Variants in PHACTR1 observed in about 807,000 individuals in gnomAD.
PHACTR1 encodes phosphatase and actin regulator 1.
Under a neutral mutation model 69.2 loss-of-function variants are expected in PHACTR1, and 16 were observed. The observed-to-expected ratio is 0.23, with a 90% CI of 0.16 to 0.35. The LOEUF is 0.35. Among genes scored for constraint, PHACTR1 ranks in the 10% least tolerant of loss-of-function variants. The pLI is 1.00. For missense variants in PHACTR1, 510 were observed against 734.7 expected, an observed-to-expected ratio of 0.69 and a Z score of 3.54; for synonymous variants, 312 against 284.5, an observed-to-expected ratio of 1.10 and a Z score of -0.97.
intron 4 of PHACTR1, among the ~76,000 whole-genome samples, chr6:12,929,013 G>C (rs1170078148): frequency 6.6e-6 from 1 of 152,218 alleles, no homozygotes; most frequent in Non-Finnish European, 1.5e-5. Flanking sequence ...GTGCAGCAAA[G>C]TTTGAGAAAT....
At chr6:13,151,454 T>C (rs968551774) in intron 5 of PHACTR1, among the ~76,000 whole-genome samples, 1 of 152,244 alleles carries the variant, frequency 6.6e-6, no homozygotes, top group Non-Finnish European at 1.5e-5. Context: ...CCAGAAATTG[T>C]ACATCTAGCT....
chr6:12,896,116 G>A (rs1473034527), intron 4 of PHACTR1, among the ~76,000 whole-genome samples: 2 of 152,180 alleles, frequency 1.3e-5, no homozygotes, highest in African/African-American at 4.8e-5. Flanking sequence ...AATGCAAATG[G>A]AGCAAACGCC....
intron 4 of PHACTR1, among the ~76,000 whole-genome samples, chr6:12,921,774 G>A (rs865807498): frequency 3.7e-4 from 51 of 138,434 alleles, no homozygotes; most frequent in Middle Eastern, 3.6e-3. Context: ...AAGGAAGGGA[G>A]AGAAACAGGG....
intron 4 of PHACTR1, among the ~76,000 whole-genome samples, chr6:12,871,082 A>C (rs531630831): frequency 6.6e-6 from 1 of 152,288 alleles, no homozygotes; most frequent in East Asian, 1.9e-4. Flanking sequence ...AATCTAATCT[A>C]TCTAGGAAGG....
In PHACTR1 at chr6:12,835,970, TA is replaced by T. The variant is rs201377931; in HGVS notation, c.250+86189del. ...TTTTAAATTTTTTTTGAAACAAAAATAAAAAAAAATTTAAATCCTCAGTGTG... is the reference window on the plus strand; with the variant it reads ...TTTTAAATTTTTTTTGAAACAAAAATAAAAAAAATTTAAATCCTCAGTGTG... On this transcript the variant is annotated intron_variant, in intron 4 of 14. Coordinates refer to ENST00000332995, the MANE Select transcript of PHACTR1 (RefSeq NM_030948.6). Among the ~76,000 whole-genome samples the T allele has an allele frequency of 7.1e-3, 1,079 of 151,808 alleles. 16 individuals carry two copies. The highest frequency in any genetic ancestry group is 0.025 in the African/African-American group (1,025 of 41,446).
intron 4 of PHACTR1, among the ~76,000 whole-genome samples, chr6:12,956,356 GT>G (rs1489654286): frequency 6.6e-6 from 1 of 152,206 alleles, no homozygotes; most frequent in Non-Finnish European, 1.5e-5. Context: ...TGCCACTTAA[GT>G]TCCACTCATG....
chr6:12,819,670 T>A (rs183639524), intron 4 of PHACTR1, among the ~76,000 whole-genome samples: 1 of 152,324 alleles, frequency 6.6e-6, no homozygotes, highest in Admixed American at 6.5e-5. Context: ...TTTGTAATTT[T>A]AAAAATCTGT....
chr6:13,012,120 G>A lies in PHACTR1; in HGVS notation c.251-41245G>A, dbSNP rs1424050686. ...ACATCCATCCCCCTCTAGGGGAGGC[G>A]ATGGCAGCTGGACACCTGACTTTCC... is the stretch of plus-strand genomic sequence containing the variant. On this transcript the variant is annotated intron_variant, in intron 4 of 14. Transcript: ENST00000332995. Among the ~76,000 whole-genome samples the A allele has an allele frequency of 4.6e-5, 7 of 152,240 alleles. No homozygotes were observed. The East Asian group carries it at 9.6e-4, about 21-fold the overall frequency.
chr6:12,956,768 A>G (rs2127560038), intron 4 of PHACTR1, among the ~76,000 whole-genome samples: 1 of 152,186 alleles, frequency 6.6e-6, no homozygotes, highest in African/African-American at 2.4e-5. Context: ...TTATTTGCAC[A>G]TGTTTTATAA....
intron 4 of PHACTR1, among the ~76,000 whole-genome samples, chr6:12,922,228 T>A (rs1787794939): frequency 6.6e-6 from 1 of 152,186 alleles, no homozygotes; most frequent in South Asian, 2.1e-4. Context: ...AGATCTTGCT[T>A]CCTCATTCAT....
intron 5 of PHACTR1, among the ~76,000 whole-genome samples, chr6:13,150,936 T>C (rs1331318114): frequency 1.3e-5 from 2 of 152,268 alleles, no homozygotes; most frequent in African/African-American, 4.8e-5. Context: ...TATTATGTTT[T>C]GAGTCTTTCT....
intron 4 of PHACTR1, among the ~76,000 whole-genome samples, chr6:12,981,912 A>G (rs1387925182): frequency 6.6e-6 from 1 of 151,950 alleles, no homozygotes; most frequent in Non-Finnish European, 1.5e-5. Flanking sequence ...AACCCCATCA[A>G]ATTATTTGTA....
At chr6:12,745,435 T>C (rs1437151765) in intron 3 of PHACTR1, among the ~76,000 whole-genome samples, 1 of 152,132 alleles carries the variant, frequency 6.6e-6, no homozygotes, top group African/African-American at 2.4e-5. Context: ...GGAGGGTGCA[T>C]AAAAACTACA....
chr6:13,044,786 C>A (rs1210305953), intron 4 of PHACTR1, among the ~76,000 whole-genome samples: 1 of 152,190 alleles, frequency 6.6e-6, no homozygotes, highest in African/African-American at 2.4e-5. Context: ...TGAAGCATAT[C>A]TGAGCCTATT....
chr6:13,280,815 ATT>A (rs767690209), intron 12 of PHACTR1: 181 of 510,548 alleles, frequency 3.5e-4, no homozygotes, highest in Non-Finnish European at 5.2e-4. Flanking sequence ...TGCAAAGATT[ATT>A]TTTGCAGCAT....
intron 4 of PHACTR1, among the ~76,000 whole-genome samples, chr6:12,925,877 C>G (rs1788220666): frequency 6.6e-6 from 1 of 152,204 alleles, no homozygotes; most frequent in African/African-American, 2.4e-5. Flanking sequence ...AGGGGCCTGT[C>G]TCTCGTGTAT....
chr6:13,271,311 C>T (rs999241175), intron 10 of PHACTR1, among the ~76,000 whole-genome samples: 1 of 152,140 alleles, frequency 6.6e-6, no homozygotes, highest in East Asian at 1.9e-4. Flanking sequence ...GGCCTCCCCC[C>T]GAGCAATGGG....
At chr6:12,955,761 A>C (rs1791818751) in intron 4 of PHACTR1, among the ~76,000 whole-genome samples, 1 of 152,134 alleles carries the variant, frequency 6.6e-6, no homozygotes, top group South Asian at 2.1e-4. Context: ...TCTGTCATTC[A>C]GGTTTTCAGG....
intron 4 of PHACTR1, among the ~76,000 whole-genome samples, chr6:12,985,407 AC>A (rs1461832267): frequency 1.3e-5 from 2 of 151,810 alleles, no homozygotes; most frequent in African/African-American, 4.8e-5. Context: ...ACCAGTAAGT[AC>A]CTCCTGTAAT....
Sources: gnomAD v4.1 joint callset for allele counts (sites outside exome capture counted in the v4.1 genomes callset) on GRCh38, gnomAD v4.1.1 for gene constraint, MANE v1.5 for transcripts, NCBI Gene and HGNC (gene_info 2026-07-23, HGNC 2026-07-21) for gene names.